Variants in RGS7 observed in about 807,000 individuals in gnomAD.
The protein encoded by RGS7 is regulator of G protein signaling 7.
In RGS7, 27 loss-of-function variants were observed where a neutral mutation model predicts 81.1. The ratio of observed to expected loss-of-function variants is 0.33; its 90% CI spans 0.25 to 0.46. The LOEUF is 0.46. RGS7 is among the 20% of genes least tolerant of loss of function. RGS7 has a pLI of 1.00. For missense variants in RGS7, 396 were observed against 607.4 expected, an observed-to-expected ratio of 0.65 and a Z score of 3.66; for synonymous variants, 208 against 207.7, an observed-to-expected ratio of 1.00 and a Z score of -0.01.
chr1:240,868,126 GAA>G lies in RGS7; in HGVS notation c.609+459_609+460del, dbSNP rs1174003490. On this transcript the variant is annotated intron_variant, in intron 9 of 18. Coordinates refer to ENST00000440928, the MANE Select transcript of RGS7 (RefSeq NM_001364886.1). This position sits in a 1 kb window ranked among gnomAD's most constrained non-coding sequence, Gnocchi z 5.1. ...AAGAAAGAAAAGAAAAGGAAAGAAA[GAA>G]AGAAAGAAAGAAAGAAAGAAAGAAA... 9.5e-6 allele frequency among the ~76,000 whole-genome samples: 1 copy of G among 105,612 alleles called. No individual in the cohort carries two copies. Among genetic ancestry groups the G allele is most frequent in the Non-Finnish European group, 1.7e-5 (1 of 58,128 alleles). The allele number at this position is 105,612 out of a possible 152,430, so 69.3% of individuals were successfully genotyped here.
chr1:241,116,344 T>C (rs1370684850), intron 2 of RGS7, among the ~76,000 whole-genome samples: 1 of 152,168 alleles, frequency 6.6e-6, no homozygotes, highest in African/African-American at 2.4e-5. Flanking sequence ...ATTTATGTTT[T>C]AAAAGGAATA....
intron 3 of RGS7, among the ~76,000 whole-genome samples, chr1:241,096,906 CGTAG>C (rs769262300): frequency 3.9e-5 from 6 of 152,042 alleles, no homozygotes; most frequent in Non-Finnish European, 8.8e-5. Context: ...AGGATGGCAA[CGTAG>C]TGCATTTATC....
chr1:240,880,560 A>T (rs1338257557), intron 6 of RGS7, among the ~76,000 whole-genome samples: 1 of 152,190 alleles, frequency 6.6e-6, no homozygotes, highest in African/African-American at 2.4e-5. Context: ...AGTGTCTGAG[A>T]GAGCCTGTGC....
chr1:241,337,974 ATGTTTTGAGTAATC>A (rs2082338795), intron 2 of RGS7, among the ~76,000 whole-genome samples: 1 of 152,242 alleles, frequency 6.6e-6, no homozygotes, highest in African/African-American at 2.4e-5. Flanking sequence ...AGTGTTTAAA[ATGTTTTGAGTAATC>A]TGTTCCAATT....
At position 241,226,615 on chromosome 1, in the gene RGS7, C is replaced by T. The variant is rs143899999; in HGVS notation, c.79-127853G>A. 5.1e-3 allele frequency among the ~76,000 whole-genome samples: 774 copies of T among 152,262 alleles called. 8 individuals carry two copies. Among genetic ancestry groups the T allele is most frequent in the African/African-American group, 0.018 (749 of 41,548 alleles). ...GAGGTAAAAGACAATCAACAATGGA[C>T]TGATTCCATTACAATGATGGTGTTA... On this transcript the variant is annotated intron_variant, in intron 2 of 18. Transcript: ENST00000440928.
intron 10 of RGS7, among the ~76,000 whole-genome samples, chr1:240,822,633 G>A (rs1692013516): frequency 1.3e-5 from 2 of 152,116 alleles, no homozygotes; most frequent in Admixed American, 1.3e-4. Context: ...ATTTTACCAT[G>A]AAAATTTCAC....
At chr1:240,872,438 A>G (rs989467756) in intron 6 of RGS7, among the ~76,000 whole-genome samples, 7 of 152,130 alleles carry the variant, frequency 4.6e-5, no homozygotes, top group African/African-American at 1.7e-4. Flanking sequence ...CAGACTGGGC[A>G]ACAGAGCAAG....
chr1:241,152,877 C>T (rs1186258671), intron 2 of RGS7, among the ~76,000 whole-genome samples: 2 of 152,130 alleles, frequency 1.3e-5, no homozygotes, highest in Non-Finnish European at 2.9e-5. Context: ...TGTCTTAAGC[C>T]CATGAGATTC....
chr1:240,802,508 C>T (rs931602994), intron 16 of RGS7, among the ~76,000 whole-genome samples: 12 of 152,208 alleles, frequency 7.9e-5, no homozygotes, highest in African/African-American at 2.4e-4. Context: ...AGTTATGAGG[C>T]CTGTGGTTCA....
At chr1:241,191,587 T>C (rs2072658088) in intron 2 of RGS7, among the ~76,000 whole-genome samples, 1 of 152,194 alleles carries the variant, frequency 6.6e-6, no homozygotes, top group Non-Finnish European at 1.5e-5. Flanking sequence ...TGAACTGCCT[T>C]TGGTTTTGGT....
chr1:241,289,482 G>A (rs943331864), intron 2 of RGS7, among the ~76,000 whole-genome samples: 6 of 152,164 alleles, frequency 3.9e-5, no homozygotes, highest in Non-Finnish European at 5.9e-5. Flanking sequence ...AACAGCTGAT[G>A]TATCTACTTG....
At chr1:240,898,171 CTCT>C (rs1328073313) in intron 6 of RGS7, among the ~76,000 whole-genome samples, 3 of 152,074 alleles carry the variant, frequency 2.0e-5, no homozygotes, top group East Asian at 1.9e-4. Flanking sequence ...ATTCTTCTCT[CTCT>C]TCTTCTTGAT....
intron 2 of RGS7, among the ~76,000 whole-genome samples, chr1:241,295,170 C>T (rs551481907): frequency 4.5e-4 from 69 of 152,122 alleles, no homozygotes; most frequent in African/African-American, 1.2e-3. Flanking sequence ...TGTTTGCGGC[C>T]GGGTGCGGTG....
intron 3 of RGS7, among the ~76,000 whole-genome samples, chr1:241,054,388 A>T (rs1036681233): frequency 2.0e-5 from 3 of 152,172 alleles, no homozygotes; most frequent in African/African-American, 7.2e-5. Flanking sequence ...AAATACTTTA[A>T]AGGCTGGAGT....
intron 6 of RGS7, among the ~76,000 whole-genome samples, chr1:240,875,470 T>C (rs1437281533): frequency 6.6e-6 from 1 of 152,216 alleles, no homozygotes; most frequent in Middle Eastern, 3.2e-3. Context: ...TCTTGGCTAT[T>C]GTGAATAATG....
chr1:241,110,951 C>T (rs1408977240), intron 2 of RGS7, among the ~76,000 whole-genome samples: 2 of 152,114 alleles, frequency 1.3e-5, no homozygotes, highest in African/African-American at 4.8e-5. Flanking sequence ...TCCCAAAGCT[C>T]TGGGATTATG....
At chr1:240,977,068 T>C (rs1684219965) in intron 4 of RGS7, among the ~76,000 whole-genome samples, 1 of 148,390 alleles carries the variant, frequency 6.7e-6, no homozygotes, top group Non-Finnish European at 1.5e-5. Flanking sequence ...CTATCCATCA[T>C]CTATCATCTA....
chr1:240,871,210 A>G (rs1333474132), intron 6 of RGS7, among the ~76,000 whole-genome samples: 1 of 152,208 alleles, frequency 6.6e-6, no homozygotes, highest in Admixed American at 6.5e-5. Context: ...CTCAAGATAC[A>G]TTGTATCTGT....
Position 240,927,215 on chromosome 1 carries a change from C to T in RGS7, c.385+3502G>A, listed in dbSNP as rs999228167. Among the ~76,000 whole-genome samples the T allele has an allele frequency of 6.6e-5, 10 of 152,202 alleles. No individual in the cohort carries two copies. The South Asian group carries it at 1.2e-3, about 19-fold the overall frequency. ...CCAAGTAGCTGGGACTACAGACGTGCGCCACCATGCCCAGCTAATTTTTGT... is the reference window on the plus strand; with the variant it reads ...CCAAGTAGCTGGGACTACAGACGTGTGCCACCATGCCCAGCTAATTTTTGT... On this transcript the variant is annotated intron_variant, in intron 6 of 18. Coordinates refer to ENST00000440928, the MANE Select transcript of RGS7 (RefSeq NM_001364886.1).
Sources: allele counts gnomAD v4.1 joint callset (sites outside exome capture counted in the v4.1 genomes callset), GRCh38; gene constraint gnomAD v4.1.1; non-coding constraint Gnocchi (gnomAD v3.1); transcripts MANE v1.5; gene names NCBI Gene and HGNC (gene_info 2026-07-23, HGNC 2026-07-21).